Variants in CUX1 observed in about 807,000 individuals in gnomAD.
CUX1 encodes the protein cut like homeobox 1.
Under a neutral mutation model 158.8 loss-of-function variants are expected in CUX1, and 31 were observed. That is an observed-to-expected ratio of 0.20 (90% confidence interval 0.15 to 0.26). The LOEUF (loss-of-function observed/expected upper bound fraction) is 0.26. CUX1 is among the 10% of genes least tolerant of loss of function. The probability of loss-of-function intolerance (pLI) is 1.00; values close to 1 mark genes in which losing one functional copy is unlikely to be tolerated. For missense variants in CUX1, 1,589 were observed against 2,014.6 expected (o/e 0.79, Z 4.04); for synonymous variants, 879 against 862.1 (o/e 1.02, Z -0.34).
At chr7:101,926,788 C>T (rs774724892) in intron 2 of CUX1, among the ~76,000 whole-genome samples, 1 of 152,164 alleles carries the variant, frequency 6.6e-6, no homozygotes, top group Non-Finnish European at 1.5e-5. Flanking sequence ...GGTGCTATCC[C>T]ATTTCACCCA....
At chr7:102,247,315 T>A (rs965597481) in intron 23 of CUX1, among the ~76,000 whole-genome samples, 1 of 152,164 alleles carries the variant, frequency 6.6e-6, no homozygotes, top group Non-Finnish European at 1.5e-5. Context: ...AGATTAAAAT[T>A]GTCACTTTGG....
rs1318349030 is a variant in CUX1 at position 102,255,818 on chromosome 7, T to C, written c.*6776T>C. 1 of 984,036 alleles carries C rather than the reference T, an allele frequency of 1.0e-6. No individual in the cohort carries two copies. Among genetic ancestry groups the C allele is most frequent in the Non-Finnish European group, 1.2e-6 (1 of 828,812 alleles). 61.0% of individuals were successfully genotyped at this position (984,036 alleles called of 1,614,324 possible). A position where few individuals can be genotyped will look rare whatever the true frequency, so the allele number is the denominator to read the frequency against. On this transcript the variant is annotated 3_prime_UTR_variant, in exon 24 of 24. Coordinates refer to ENST00000292535, the MANE Select transcript of CUX1 (RefSeq NM_181552.4). ...TAATTCTTTTTTCCCCCCTTTTCCT[T>C]CTTCTTTTTTATTATTTTATTATTT...
intron 1 of CUX1, among the ~76,000 whole-genome samples, chr7:101,832,511 C>G (rs1306590837): frequency 2.0e-5 from 3 of 152,180 alleles, no homozygotes. Context: ...ACAGGTTTAT[C>G]AAACACAAGT....
intron 2 of CUX1, among the ~76,000 whole-genome samples, chr7:101,987,124 G>C (rs993716590): frequency 1.3e-5 from 2 of 152,180 alleles, no homozygotes; most frequent in African/African-American, 4.8e-5. Flanking sequence ...TTGGAATGAG[G>C]CACCTGCATG....
intron 20 of CUX1, among the ~76,000 whole-genome samples, chr7:102,211,735 G>A (rs1796549093): frequency 7.2e-6 from 1 of 139,424 alleles, no homozygotes; most frequent in East Asian, 2.2e-4. Flanking sequence ...GGCCGAGATT[G>A]CACTATTGCA....
chr7:102,208,353 C>A (rs1796160507), intron 20 of CUX1, among the ~76,000 whole-genome samples: 1 of 152,200 alleles, frequency 6.6e-6, no homozygotes, highest in Admixed American at 6.5e-5. Context: ...AGGCGATTCT[C>A]CTGCCTCAGC....
intron 9 of CUX1, among the ~76,000 whole-genome samples, chr7:102,164,421 C>A (rs563782547): frequency 6.6e-6 from 1 of 152,192 alleles, no homozygotes; most frequent in Non-Finnish European, 1.5e-5. Context: ...CAGGCTGGAG[C>A]GCAGTGGCAT....
At chr7:101,977,722 G>A (rs983072454) in intron 2 of CUX1, among the ~76,000 whole-genome samples, 6 of 152,094 alleles carry the variant, frequency 3.9e-5, no homozygotes, top group Admixed American at 2.0e-4. Flanking sequence ...AGTGAGTCGA[G>A]ATTGCACCAC....
At chr7:101,993,558 T>C (rs1815427382) in intron 2 of CUX1, among the ~76,000 whole-genome samples, 1 of 152,122 alleles carries the variant, frequency 6.6e-6, no homozygotes, top group South Asian at 2.1e-4. Flanking sequence ...TAAAGCAAAG[T>C]GCCTGGCACT....
chr7:101,967,382 T>G (rs1175993202), intron 2 of CUX1, among the ~76,000 whole-genome samples: 1 of 152,186 alleles, frequency 6.6e-6, no homozygotes, highest in Non-Finnish European at 1.5e-5. Flanking sequence ...TAATAAAGCC[T>G]TCACAGCTTC....
At chr7:102,095,756 A>G (rs1264122452) in intron 4 of CUX1, among the ~76,000 whole-genome samples, 1 of 152,226 alleles carries the variant, frequency 6.6e-6, no homozygotes, top group Non-Finnish European at 1.5e-5. Context: ...AAATCTCTGC[A>G]GCCATCTCAC....
intron 4 of CUX1, among the ~76,000 whole-genome samples, chr7:102,085,733 T>A (rs1392207883): frequency 1.3e-5 from 2 of 152,224 alleles, no homozygotes; most frequent in Non-Finnish European, 2.9e-5. Flanking sequence ...TTCTGGTTTT[T>A]TTCCTTTGAA....
At chr7:102,175,727 C>T (rs1280209859) in intron 10 of CUX1, among the ~76,000 whole-genome samples, 1 of 152,220 alleles carries the variant, frequency 6.6e-6, no homozygotes, top group Non-Finnish European at 1.5e-5. Context: ...TCCTGGTCCT[C>T]CTACCCTGGA....
At position 102,113,837 on chromosome 7, in the gene CUX1, G is replaced by A. The variant is rs115567790; in HGVS notation, c.608-1370G>A. On this transcript the variant is annotated intron_variant, in intron 7 of 23. Transcript: ENST00000292535. ...CACCTCAGTGTCCCAAAATGCTGGG[G>A]GATTACAGGTGTGGGCTACCGCACC... is the stretch of plus-strand genomic sequence containing the variant. 2.8e-3 allele frequency among the ~76,000 whole-genome samples: 430 copies of A among 152,164 alleles called. 2 individuals are homozygous for A. The highest frequency in any genetic ancestry group is 0.01 in the African/African-American group (417 of 41,520).
At chr7:102,115,086 AT>A in intron 7 of CUX1, 120 bp from the exon 8 acceptor site, 1 of 816,986 alleles carries the variant, frequency 1.2e-6, no homozygotes, top group Non-Finnish European at 2.0e-6. Flanking sequence ...TTTAATCTTT[AT>A]TTTTCCACGC....
At chr7:101,995,062 T>G (rs1379769026) in intron 2 of CUX1, among the ~76,000 whole-genome samples, 4 of 151,744 alleles carry the variant, frequency 2.6e-5, no homozygotes, top group Non-Finnish European at 2.9e-5. Flanking sequence ...TGCCATTGCA[T>G]CCAGCCTGGG....
At chr7:101,825,753 C>CTGTGTGTGTGTGTGTGTG (rs537662700) in intron 1 of CUX1, among the ~76,000 whole-genome samples, 12 of 129,526 alleles carry the variant, frequency 9.3e-5, no homozygotes, top group East Asian at 7.3e-4. Flanking sequence ...TTAATGAAAT[C>CTGTGTGTGTGTGTGTGTG]TGTGTGTGTG....
At chr7:102,161,965 AT>A (rs1790472860) in intron 9 of CUX1, among the ~76,000 whole-genome samples, 1 of 152,180 alleles carries the variant, frequency 6.6e-6, no homozygotes, top group African/African-American at 2.4e-5. Flanking sequence ...CTTGGAGTGC[AT>A]TCAGAGATGA....
chr7:102,129,346 C>G (rs934764240), intron 8 of CUX1, among the ~76,000 whole-genome samples: 2 of 152,010 alleles, frequency 1.3e-5, no homozygotes, highest in Non-Finnish European at 2.9e-5. Flanking sequence ...CAAGTTCAAA[C>G]CATTGCACAG....
Sources: gnomAD v4.1 joint callset for allele counts (sites outside exome capture counted in the v4.1 genomes callset) on GRCh38, gnomAD v4.1.1 for gene constraint, MANE v1.5 for transcripts, NCBI Gene and HGNC (gene_info 2026-07-23, HGNC 2026-07-21) for gene names.